PHYH: variants seen among roughly 807,000 people sequenced by gnomAD.
PHYH encodes phytanoyl-CoA dioxygenase, peroxisomal.
Under a neutral mutation model 38.5 loss-of-function variants are expected in PHYH, and 32 were observed. The ratio of observed to expected loss-of-function variants is 0.83; its 90% CI spans 0.63 to 1.12. The LOEUF is 1.12. Among genes scored for constraint, PHYH ranks in the 50% most tolerant of loss-of-function variants. The pLI, the probability that PHYH is intolerant of heterozygous loss-of-function variation, is 0.00. For missense variants in PHYH, 426 were observed against 434.8 expected (o/e 0.98, Z 0.18); for synonymous variants, 166 against 157.9 (o/e 1.05, Z -0.38).
At chr10:13,299,859 G>A in intron 1 of PHYH, 109 bp downstream of exon 1, 1 of 1,350,696 alleles carries the variant, frequency 7.4e-7, no homozygotes, top group South Asian at 1.8e-5. Flanking sequence ...AGGAGGCGCT[G>A]GGGCTGCGAA....
intron 5 of PHYH, among the ~76,000 whole-genome samples, chr10:13,290,115 CAAAAAAAAAA>C (rs1172422242): frequency 5.7e-4 from 19 of 33,392 alleles, no homozygotes; most frequent in African/African-American, 2.2e-3. Flanking sequence ...CTAAAAATAC[CAAAAAAAAAA>C]AAAAAAAAAA....
At chr10:13,283,632 T>A in intron 7 of PHYH, 58 bp downstream of exon 7, 2 of 1,508,864 alleles carry the variant, frequency 1.3e-6, no homozygotes, top group Non-Finnish European at 1.8e-6. Flanking sequence ...ATGAATTGAA[T>A]ACAATTTTTG....
chr10:13,289,396 T>C (rs569021720), intron 5 of PHYH, among the ~76,000 whole-genome samples: 136 of 151,706 alleles, frequency 9.0e-4, no homozygotes, highest in African/African-American at 2.2e-3. Context: ...GGGGTTTCAC[T>C]GTGTTAGCCA....
At chr10:13,298,775 T>TACA (rs1832650532) in intron 1 of PHYH, among the ~76,000 whole-genome samples, 3 of 143,238 alleles carry the variant, frequency 2.1e-5, no homozygotes, top group Non-Finnish European at 3.1e-5. Context: ...CTACTACTAC[T>TACA]ACTACTAATA....
chr10:13,283,630 A>G, intron 7 of PHYH, 60 bp downstream of exon 7: 1 of 1,484,620 alleles, frequency 6.7e-7, no homozygotes, highest in Non-Finnish European at 9.4e-7. Context: ...CAATGAATTG[A>G]ATACAATTTT....
At chr10:13,285,223 G>A (rs773481901) in intron 6 of PHYH, among the ~76,000 whole-genome samples, 4 of 151,896 alleles carry the variant, frequency 2.6e-5, no homozygotes, top group Admixed American at 1.3e-4. Context: ...TTGCTCTGTC[G>A]CCCAGGCTGG....
Position 13,299,679 on chromosome 10 carries a change from C to A in PHYH, c.75+289G>T. On this transcript the variant is annotated intron_variant, in intron 1 of 8. Coordinates refer to ENST00000263038, the MANE Select transcript of PHYH (RefSeq NM_006214.4). The stretch of plus-strand genomic sequence containing the variant: ...GGGTCACGCGCCGCCGGTGAAACGA[C>A]GTCTCCACAAAGAGAGGAGCAGAGG... 3.2e-6 allele frequency: 4 copies of A among 1,240,122 alleles called. No individual in the cohort carries two copies. In the African/African-American group the frequency reaches 4.8e-5, roughly 15 times the overall value. 76.8% of individuals were successfully genotyped at this position (1,240,122 alleles called of 1,614,324 possible).
chr10:13,288,310 G>C (rs779234027), intron 6 of PHYH, 50 bp downstream of exon 6: 1 of 1,538,338 alleles, frequency 6.5e-7, no homozygotes, highest in African/African-American at 1.4e-5. Flanking sequence ...ATGTGAAACA[G>C]AAACTGCGAA....
At chr10:13,299,591 C>T in intron 1 of PHYH, 10 of 1,035,846 alleles carry the variant, frequency 9.7e-6, no homozygotes, top group Non-Finnish European at 1.2e-5. Context: ...TTCCAGGCAG[C>T]CCTGCGCGCC....
In PHYH at chr10:13,277,909, A is replaced by T; in HGVS notation, c.*392T>A. On this transcript the variant is annotated 3_prime_UTR_variant, in exon 9 of 9. Transcript: ENST00000263038. Reference sequence around the variant, plus strand: ...TAGATTTGGGGGAAAAAAATCTCTTATGACATAAAATTGGTAGGGAATGGG... The same window carrying T: ...TAGATTTGGGGGAAAAAAATCTCTTTTGACATAAAATTGGTAGGGAATGGG... The T allele has an allele frequency of 6.7e-6, 2 of 300,184 alleles. No homozygotes were observed. Among genetic ancestry groups the T allele is most frequent in the South Asian group, 6.5e-5 (2 of 30,712 alleles). The allele number at this position is 300,184 out of a possible 1,614,324, so 18.6% of individuals were successfully genotyped here. A position where few individuals can be genotyped will look rare whatever the true frequency, so the allele number is the denominator to read the frequency against.
intron 8 of PHYH, among the ~76,000 whole-genome samples, chr10:13,279,159 C>T (rs1194446081): frequency 2.0e-5 from 3 of 152,016 alleles, no homozygotes; most frequent in African/African-American, 4.8e-5. Flanking sequence ...CCACCACACC[C>T]GGCTAATTTT....
intron 5 of PHYH, among the ~76,000 whole-genome samples, chr10:13,289,752 T>C (rs1013353282): frequency 6.6e-6 from 1 of 151,180 alleles, no homozygotes; most frequent in African/African-American, 2.4e-5. Flanking sequence ...GCCAACATGA[T>C]GAAACCTCGT....
At chr10:13,299,915 G>A in intron 1 of PHYH, 53 bp downstream of exon 1, 2 of 1,489,170 alleles carry the variant, frequency 1.3e-6, no homozygotes, top group Admixed American at 2.2e-5. Context: ...CACCACTCAG[G>A]CGGCGGCGCC....
chr10:13,291,792 T>G, intron 5 of PHYH, 39 bp downstream of exon 5: 1 of 1,429,724 alleles, frequency 7.0e-7, no homozygotes, highest in Non-Finnish European at 9.9e-7. Context: ...CTTACACATT[T>G]TAATGAAACC....
chr10:13,285,384 A>G (rs1170518019), intron 6 of PHYH, among the ~76,000 whole-genome samples: 1 of 151,820 alleles, frequency 6.6e-6, no homozygotes, highest in Non-Finnish European at 1.5e-5. Context: ...GGGCTTCACT[A>G]TCTTGGCCAT....
rs1267819026 is a variant in PHYH at position 13,299,982 on chromosome 10, A to AGGGGCGGCCGAGGTGGCCC, written c.42_60dup (p.Ser21GlyfsTer36). The AGGGGCGGCCGAGGTGGCCC allele has an allele frequency of 1.3e-6, 2 of 1,531,118 alleles. No individual in the cohort carries two copies. Among genetic ancestry groups the AGGGGCGGCCGAGGTGGCCC allele is most frequent in the Non-Finnish European group, 1.7e-6 (2 of 1,144,076 alleles). 94.8% of individuals were successfully genotyped at this position (1,531,118 alleles called of 1,614,324 possible). ...CCAAAGGATACGACAGCCCCGGCCGAGGGGCGGCCGAGGTGGCCCAGAACA... is the reference window on the plus strand; with the variant it reads ...CCAAAGGATACGACAGCCCCGGCCGAGGGGCGGCCGAGGTGGCCCGGGGCGGCCGAGGTGGCCCAGAACA... On this transcript the variant is annotated frameshift_variant, in exon 1 of 9. Coordinates refer to ENST00000263038, the MANE Select transcript of PHYH (RefSeq NM_006214.4). LOFTEE classifies it high-confidence loss of function.
chr10:13,281,208 CAG>C, intron 7 of PHYH, 98 bp from the exon 8 acceptor site: 1 of 1,248,910 alleles, frequency 8.0e-7, no homozygotes, highest in East Asian at 2.4e-5. Flanking sequence ...TTATTTCACT[CAG>C]TATTTGATTT....
chr10:13,288,749 C>T (rs988701302), intron 5 of PHYH, among the ~76,000 whole-genome samples: 1 of 151,508 alleles, frequency 6.6e-6, no homozygotes, highest in African/African-American at 2.4e-5. Context: ...CAAAACAAAA[C>T]AACAAAAACA....
chr10:13,293,112 T>G (rs1835754108), intron 4 of PHYH, among the ~76,000 whole-genome samples: 1 of 152,136 alleles, frequency 6.6e-6, no homozygotes, highest in Non-Finnish European at 1.5e-5. Flanking sequence ...GAAAGGTTAT[T>G]AAAAGCCTAG....
Sources: allele counts gnomAD v4.1 joint callset (sites outside exome capture counted in the v4.1 genomes callset), GRCh38; gene constraint gnomAD v4.1.1; transcripts MANE v1.5; gene names NCBI Gene and HGNC (gene_info 2026-07-23, HGNC 2026-07-21).